DFFB: variants seen among roughly 807,000 people sequenced by gnomAD.
DFFB encodes DNA fragmentation factor 40 kDa subunit.
A neutral mutation model predicts 32.7 loss-of-function variants in DFFB; 29 were observed. The observed-to-expected ratio is 0.89, with a 90% CI of 0.66 to 1.21. The LOEUF (loss-of-function observed/expected upper bound fraction) is 1.21. Ranked by LOEUF, DFFB falls within the 50% of genes most tolerant of loss-of-function variation. The pLI, the probability that DFFB is intolerant of heterozygous loss-of-function variation, is 0.00. For missense variants in DFFB, 398 were observed against 440.6 expected (o/e 0.90, Z 0.87); for synonymous variants, 170 against 177.1 (o/e 0.96, Z 0.32).
At chr1:3,858,940 C>T (rs1644822828) in intron 2 of DFFB, 96 bp downstream of exon 2, 2 of 1,525,358 alleles carry the variant, frequency 1.3e-6, no homozygotes, top group African/African-American at 1.4e-5. Flanking sequence ...GGGAAGAGTC[C>T]CCCTTACTGT....
At chr1:3,880,308 G>A (rs1645309881) in intron 6 of DFFB, among the ~76,000 whole-genome samples, 1 of 152,186 alleles carries the variant, frequency 6.6e-6, no homozygotes, top group African/African-American at 2.4e-5. Context: ...TGGAAGCTCT[G>A]GGATTGGAAC....
chr1:3,862,675 TA>T, intron 2 of DFFB, among the ~76,000 whole-genome samples: 1 of 152,236 alleles, frequency 6.6e-6, no homozygotes, highest in Non-Finnish European at 1.5e-5. Context: ...TCTTAGCTGG[TA>T]CCTTATACAA....
intron 6 of DFFB, among the ~76,000 whole-genome samples, chr1:3,873,938 T>C (rs1197456082): frequency 6.6e-6 from 1 of 152,218 alleles, no homozygotes. Flanking sequence ...TTTTAAAGTA[T>C]GTAAAACACT....
At chr1:3,881,847 G>A (rs1352000790) in intron 6 of DFFB, among the ~76,000 whole-genome samples, 1 of 150,506 alleles carries the variant, frequency 6.6e-6, no homozygotes, top group East Asian at 2.0e-4. Flanking sequence ...TCCAGCCTGG[G>A]TGACAGAGCA....
intron 6 of DFFB, among the ~76,000 whole-genome samples, chr1:3,873,440 T>A (rs559977663): frequency 6.6e-6 from 1 of 151,796 alleles, no homozygotes; most frequent in South Asian, 2.1e-4. Flanking sequence ...AACATGACGC[T>A]CAGAGGAGAT....
intron 3 of DFFB, chr1:3,866,347 C>A: frequency 2.8e-6 from 1 of 351,698 alleles, no homozygotes; most frequent in Non-Finnish European, 5.6e-6. Context: ...CCTCTGCCTC[C>A]CAGGTTAAAG....
At chr1:3,883,004 CTTTT>C (rs200251035) in intron 6 of DFFB, among the ~76,000 whole-genome samples, 39 of 140,232 alleles carry the variant, frequency 2.8e-4, no homozygotes, top group Admixed American at 2.9e-4. Flanking sequence ...TGACACGAGT[CTTTT>C]TTTTTTTTTT....
intron 6 of DFFB, among the ~76,000 whole-genome samples, chr1:3,881,241 C>T (rs1288774477): frequency 2.6e-5 from 4 of 152,332 alleles, no homozygotes; most frequent in East Asian, 1.9e-4. Flanking sequence ...GACACAGCCC[C>T]GGTGTGCACC....
In DFFB at chr1:3,869,656, C is replaced by T. The variant is rs746606419; in HGVS notation, c.562C>T (p.Arg188Trp). ...VGAEAQEEFL[R>W]VLGSMCQRLR... ...TGCGGAGGCTCAGGAGGAATTCCTG[C>T]GGGTCCTCGGCTCCATGTGCCAGAG... Residue 188 changes from arginine to tryptophan, a missense_variant, in exon 5 of 7, where the codon CGG (arginine) becomes TGG (tryptophan). Physicochemically the swap from Arg to Trp is moderately radical, Grantham distance 101. Transcript: ENST00000378209. 1.1e-5 allele frequency: 17 copies of T among 1,613,466 alleles called. No homozygotes were observed. The highest frequency in any genetic ancestry group is 1.2e-5 in the Non-Finnish European group (14 of 1,179,804).
At chr1:3,867,261 C>G (rs952077599) in intron 3 of DFFB, among the ~76,000 whole-genome samples, 2 of 152,250 alleles carry the variant, frequency 1.3e-5, no homozygotes, top group African/African-American at 2.4e-5. Context: ...TCTATTCACT[C>G]CACTGCGTGT....
intron 2 of DFFB, among the ~76,000 whole-genome samples, chr1:3,863,173 T>C (rs1319046542): frequency 2.0e-5 from 3 of 152,044 alleles, no homozygotes; most frequent in Non-Finnish European, 4.4e-5. Flanking sequence ...ATATAAAGAA[T>C]CCTTATAACT....
chr1:3,858,068 A>G (rs569303638), intron 1 of DFFB, among the ~76,000 whole-genome samples: 2 of 152,314 alleles, frequency 1.3e-5, no homozygotes, highest in East Asian at 1.9e-4. Context: ...GTAACATGAA[A>G]GGCTTGGCTA....
Position 3,869,791 on chromosome 1 carries a change from T to G in DFFB, c.681+16T>G. On this transcript the variant is annotated intron_variant, in intron 5 of 6. Transcript: ENST00000378209. ...CTCCTGCCAGGTGAGCTGTGTGCCC[T>G]TTATCCTGGGGCCACCCGGCTGGCC... 6.3e-7 allele frequency: 1 copy of G among 1,582,182 alleles called. No homozygotes were observed. The highest frequency in any genetic ancestry group is 1.7e-4 in the Middle Eastern group (1 of 5,902).
At chr1:3,859,318 G>C (rs1004545697) in intron 2 of DFFB, among the ~76,000 whole-genome samples, 2 of 152,150 alleles carry the variant, frequency 1.3e-5, no homozygotes, top group Non-Finnish European at 2.9e-5. Context: ...AAGTTTGGGG[G>C]CAATTGCTTT....
rs1638356655 is a variant in DFFB, at chr1:3,885,427, A to AC, written c.*1686_*1687insC. ...AAAGCAATAAAGATTTTTCAAAAAT[A>AC]GACATGTCAAGAAAGTTTGCACTCA... On this transcript the variant is annotated 3_prime_UTR_variant, in exon 7 of 7. Coordinates refer to ENST00000378209, the MANE Select transcript of DFFB (RefSeq NM_004402.4). 6.6e-6 allele frequency: 1 copy of AC among 152,238 alleles called. No homozygotes were observed. Among genetic ancestry groups the AC allele is most frequent in the Non-Finnish European group, 1.5e-5 (1 of 68,044 alleles). The allele number at this position is 152,238 out of a possible 1,614,324, so 9.4% of individuals were successfully genotyped here.
At chr1:3,870,925 T>C (rs1645099896) in intron 5 of DFFB, among the ~76,000 whole-genome samples, 1 of 152,174 alleles carries the variant, frequency 6.6e-6, no homozygotes, top group African/African-American at 2.4e-5. Flanking sequence ...GCTCTGCAGA[T>C]GTCTGTTCAC....
At chr1:3,876,606 C>T (rs936157109) in intron 6 of DFFB, among the ~76,000 whole-genome samples, 3 of 152,184 alleles carry the variant, frequency 2.0e-5, no homozygotes, top group Admixed American at 2.0e-4. Context: ...GAATTAAAAG[C>T]TAATGAACAA....
intron 2 of DFFB, chr1:3,860,324 T>C (rs1339966026): frequency 9.9e-6 from 3 of 302,286 alleles, no homozygotes; most frequent in African/African-American, 6.5e-5. Flanking sequence ...CCTCCGTGTT[T>C]CAAGTGATCC....
chr1:3,883,464 C>G (rs762336184), intron 6 of DFFB, 43 bp from the exon 7 acceptor site: 1 of 1,558,184 alleles, frequency 6.4e-7, no homozygotes. Flanking sequence ...TTGCCTGTGG[C>G]ACTGTGACCA....
Sources: gnomAD v4.1 joint callset for allele counts (sites outside exome capture counted in the v4.1 genomes callset) on GRCh38, gnomAD v4.1.1 for gene constraint, MANE v1.5 for transcripts, NCBI Gene and HGNC (gene_info 2026-07-23, HGNC 2026-07-21) for gene names.